RNF168: variants seen among roughly 807,000 people sequenced by gnomAD.
RNF168 encodes E3 ubiquitin-protein ligase RNF168.
Under a neutral mutation model 34.9 loss-of-function variants are expected in RNF168, and 34 were observed. That is an observed-to-expected ratio of 0.97 (90% CI 0.74 to 1.30). RNF168 has a LOEUF of 1.30. Ranked by LOEUF, RNF168 falls within the 50% of genes most tolerant of loss-of-function variation. RNF168 has a pLI of 0.00. For synonymous variants in RNF168, 264 were observed against 254.7 expected, an observed-to-expected ratio of 1.04 and a Z score of -0.35; for missense variants, 725 against 682.5, an observed-to-expected ratio of 1.06 and a Z score of -0.69.
chr3:196,493,855 A>ATTTTT (rs376320330), intron 1 of RNF168, among the ~76,000 whole-genome samples: 3 of 128,186 alleles, frequency 2.3e-5, no homozygotes, highest in African/African-American at 6.6e-5. Flanking sequence ...TTTTAAATTT[A>ATTTTT]TTTTTTTTTT....
Position 196,502,951 on chromosome 3 carries a change from C to A in RNF168, c.223G>T (p.Glu75Ter). ...HTRRNSLVNV[E>*]LWTIIQKHYP... ...TGTTTTTGAATTATCGTCCACAGTT[C>A]CACGTTGACGAGAGAATTTCTTCGG... Residue 75 changes from glutamate (E) to a stop codon, truncating the protein, a stop_gained, in exon 1 of 6, where the codon GAA (glutamate) becomes TAA (stop). Coordinates refer to ENST00000318037, the MANE Select transcript of RNF168 (RefSeq NM_152617.4). LOFTEE classifies it high-confidence loss of function. 1 of 1,613,788 alleles carries A rather than the reference C, an allele frequency of 6.2e-7. No homozygotes were observed. Among genetic ancestry groups the A allele is most frequent in the Non-Finnish European group, 8.5e-7 (1 of 1,179,702 alleles).
intron 1 of RNF168, among the ~76,000 whole-genome samples, chr3:196,491,044 G>T (rs1186732949): frequency 1.3e-5 from 2 of 152,212 alleles, no homozygotes; most frequent in Non-Finnish European, 2.9e-5. Flanking sequence ...GCTGGGAGCG[G>T]TGGCTCACGC....
At chr3:196,476,217 C>G (rs765580399) in intron 4 of RNF168, among the ~76,000 whole-genome samples, 1 of 152,094 alleles carries the variant, frequency 6.6e-6, no homozygotes, top group Non-Finnish European at 1.5e-5. Context: ...CAAAACAATG[C>G]AAGACTCTAT....
intron 5 of RNF168, 55 bp downstream of exon 5, chr3:196,475,176 A>C: frequency 2.1e-6 from 2 of 971,420 alleles, no homozygotes; most frequent in Non-Finnish European, 1.7e-6. Context: ...GGATAGCACT[A>C]ATCTACAGCA....
chr3:196,493,780 C>A (rs1015836509), intron 1 of RNF168, among the ~76,000 whole-genome samples: 4 of 151,682 alleles, frequency 2.6e-5, no homozygotes, highest in African/African-American at 9.7e-5. Context: ...CACCTGCCTT[C>A]CAAAGTGCCA....
intron 1 of RNF168, among the ~76,000 whole-genome samples, chr3:196,502,306 G>A (rs1273188021): frequency 2.0e-5 from 3 of 152,110 alleles, no homozygotes; most frequent in Non-Finnish European, 4.4e-5. Context: ...TAAATCAGAG[G>A]CCGGGCGCGG....
chr3:196,475,414 T>C, intron 4 of RNF168, 102 bp from the exon 5 acceptor site: 5 of 748,558 alleles, frequency 6.7e-6, no homozygotes, highest in Non-Finnish European at 1.2e-5. Context: ...GTTTGCTGCT[T>C]GGCTGTTTTA....
At chr3:196,498,134 C>A (rs942458417) in intron 1 of RNF168, among the ~76,000 whole-genome samples, 2 of 152,216 alleles carry the variant, frequency 1.3e-5, no homozygotes, top group African/African-American at 2.4e-5. Context: ...AATGACACAA[C>A]CACTTTCGAA....
At chr3:196,475,788 G>A (rs1445568265) in intron 4 of RNF168, among the ~76,000 whole-genome samples, 4 of 151,568 alleles carry the variant, frequency 2.6e-5, no homozygotes, top group Admixed American at 2.6e-4. Context: ...CTGACCTCGT[G>A]ATCCGCCTGC....
In RNF168 at chr3:196,483,863, G is replaced by A. The variant is rs1488264138; in HGVS notation, c.587C>T (p.Ala196Val). The A allele has an allele frequency of 6.2e-7, 1 of 1,608,926 alleles. No homozygotes were observed. Among genetic ancestry groups the A allele is most frequent in the Admixed American group, 1.7e-5 (1 of 60,008 alleles). ...AGATTTTCTGGAATTCAAGGGAGAA[G>A]CCGAGATACTTCCCTCACAGAAATT... ...INNFCEGSIS[A>V]SPLNSRKSDP... Residue 196 changes from alanine to valine, a missense_variant, in exon 4 of 6, where the codon GCT becomes GTT. Ala to Val is a moderately conservative substitution (Grantham distance 64). Transcript: ENST00000318037.
rs112376804 is a variant in RNF168 at position 196,503,642 on chromosome 3, G to C, written c.-469C>G. On this transcript the variant is annotated 5_prime_UTR_variant, in exon 1 of 6. Coordinates refer to ENST00000318037, the MANE Select transcript of RNF168 (RefSeq NM_152617.4). ...CTTCCGCTTTACCGCTGCTGCGGGG[G>C]AGACGCGCGACTCCCGTGTTCACCT... 7.2e-3 allele frequency: 1,584 copies of C among 218,970 alleles called. 31 individuals are homozygous for C. The highest frequency in any genetic ancestry group is 0.035 in the African/African-American group (1,493 of 42,640). The allele number at this position is 218,970 out of a possible 1,614,324, so 13.6% of individuals were successfully genotyped here. A position where few individuals can be genotyped will look rare whatever the true frequency, so the allele number is the denominator to read the frequency against.
At chr3:196,495,871 C>A (rs997709815) in intron 1 of RNF168, among the ~76,000 whole-genome samples, 3 of 152,190 alleles carry the variant, frequency 2.0e-5, no homozygotes, top group African/African-American at 7.2e-5. Flanking sequence ...TGATTCTTCC[C>A]TACTATAGGA....
intron 1 of RNF168, among the ~76,000 whole-genome samples, chr3:196,491,311 TCAAAA>T (rs1234314928): frequency 1.3e-5 from 2 of 149,918 alleles, no homozygotes; most frequent in East Asian, 3.9e-4. Flanking sequence ...AGATTCCGTC[TCAAAA>T]CAAACAAACA....
At chr3:196,498,720 C>T (rs551348750) in intron 1 of RNF168, among the ~76,000 whole-genome samples, 2 of 152,192 alleles carry the variant, frequency 1.3e-5, no homozygotes, top group East Asian at 1.9e-4. Context: ...TGAGGCCAGG[C>T]GCGGTGGCTC....
At chr3:196,479,096 C>T (rs1272779832) in intron 4 of RNF168, among the ~76,000 whole-genome samples, 1 of 151,020 alleles carries the variant, frequency 6.6e-6, no homozygotes, top group Non-Finnish European at 1.5e-5. Flanking sequence ...CTGCAACCTC[C>T]ACCTCCTGAG....
chr3:196,481,714 T>A (rs1246779129), intron 4 of RNF168, among the ~76,000 whole-genome samples: 1 of 133,380 alleles, frequency 7.5e-6, no homozygotes. Flanking sequence ...TTTTTTGAGA[T>A]ATGATCATAG....
intron 4 of RNF168, among the ~76,000 whole-genome samples, chr3:196,483,071 G>A (rs1286282647): frequency 6.6e-6 from 1 of 150,752 alleles, no homozygotes; most frequent in Admixed American, 6.6e-5. Context: ...CACATTATGA[G>A]TACTGGCGAC....
chr3:196,469,183 C>G lies in RNF168; in HGVS notation c.*2636G>C, dbSNP rs562942201. The G allele has an allele frequency of 3.9e-5, 6 of 152,236 alleles. No individual in the cohort carries two copies. Among genetic ancestry groups the G allele is most frequent in the Non-Finnish European group, 7.4e-5 (5 of 67,996 alleles). 9.4% of individuals were successfully genotyped at this position (152,236 alleles called of 1,614,324 possible). ...GCATTCAAGAATGTCCACCCTAAAA[C>G]TGAAAGTGAAATTGCTCTTAGAGAA... is the stretch of plus-strand genomic sequence containing the variant. On this transcript the variant is annotated 3_prime_UTR_variant, in exon 6 of 6. Coordinates refer to ENST00000318037, the MANE Select transcript of RNF168 (RefSeq NM_152617.4).
At chr3:196,473,290 T>C (rs1732058486) in intron 5 of RNF168, among the ~76,000 whole-genome samples, 1 of 152,206 alleles carries the variant, frequency 6.6e-6, no homozygotes, top group South Asian at 2.1e-4. Context: ...CTGAGAATAA[T>C]GTTTTTAACT....
Sources: gnomAD v4.1 joint callset for allele counts (sites outside exome capture counted in the v4.1 genomes callset) on GRCh38, gnomAD v4.1.1 for gene constraint, MANE v1.5 for transcripts, NCBI Gene and HGNC (gene_info 2026-07-23, HGNC 2026-07-21) for gene names.